CLINT1: variants seen among roughly 807,000 people sequenced by gnomAD.
CLINT1 encodes the protein clathrin interacting protein localized in the trans-Golgi region.
In CLINT1, 15 loss-of-function variants were observed where a neutral mutation model predicts 70.4. The ratio of observed to expected loss-of-function variants is 0.21; its 90% CI spans 0.14 to 0.33. The LOEUF (loss-of-function observed/expected upper bound fraction) is 0.33. Among genes scored for constraint, CLINT1 ranks in the 10% least tolerant of loss-of-function variants. The pLI, the probability that CLINT1 is intolerant of heterozygous loss-of-function variation, is 1.00. For synonymous variants in CLINT1, 227 were observed against 254.7 expected, an observed-to-expected ratio of 0.89 and a Z score of 1.04; for missense variants, 615 against 778.1, an observed-to-expected ratio of 0.79 and a Z score of 2.49.
At position 157,819,487 on chromosome 5, in the gene CLINT1, A is replaced by T. The variant is rs182770768; in HGVS notation, c.42-1940T>A. On this transcript the variant is annotated intron_variant, in intron 1 of 11. Coordinates refer to ENST00000411809, the MANE Select transcript of CLINT1 (RefSeq NM_014666.4). The stretch of plus-strand genomic sequence containing the variant: ...AATCCAGTAATGCTTCTATTGCAAC[A>T]GTTTTATGTATAAATGTAGAAGAAC... 6.4e-3 allele frequency among the ~76,000 whole-genome samples: 980 copies of T among 152,324 alleles called. 9 individuals carry two copies. The highest frequency in any genetic ancestry group is 0.022 in the African/African-American group (914 of 41,584).
At chr5:157,807,624 C>G (rs1561646202) in intron 6 of CLINT1, among the ~76,000 whole-genome samples, 1 of 152,100 alleles carries the variant, frequency 6.6e-6, no homozygotes, top group Non-Finnish European at 1.5e-5. Context: ...TGTGCCCTAT[C>G]ATTATCACGA....
chr5:157,816,887 G>T, intron 2 of CLINT1, 57 bp from the exon 3 acceptor site: 1 of 1,243,416 alleles, frequency 8.0e-7, no homozygotes, highest in South Asian at 1.4e-5. Context: ...ACAGTAGATG[G>T]CAGACTTGTT....
intron 1 of CLINT1, among the ~76,000 whole-genome samples, chr5:157,837,525 T>C (rs777228979): frequency 6.6e-6 from 1 of 152,168 alleles, no homozygotes; most frequent in African/African-American, 2.4e-5. Flanking sequence ...CTAAAAGAAA[T>C]GTCAATTATG....
At chr5:157,823,967 T>C (rs1184292711) in intron 1 of CLINT1, among the ~76,000 whole-genome samples, 1 of 152,148 alleles carries the variant, frequency 6.6e-6, no homozygotes, top group Non-Finnish European at 1.5e-5. Flanking sequence ...TAATGCCTGA[T>C]GGTCTGAGAT....
chr5:157,846,748 A>G (rs1340911233), intron 1 of CLINT1, among the ~76,000 whole-genome samples: 2 of 152,216 alleles, frequency 1.3e-5, no homozygotes, highest in Non-Finnish European at 2.9e-5. Flanking sequence ...ATCTCTTCTC[A>G]TGGGCTAACG....
intron 8 of CLINT1, chr5:157,795,477 T>G: frequency 6.5e-6 from 1 of 152,690 alleles, no homozygotes; most frequent in Non-Finnish European, 1.5e-5. Context: ...ATTAATACTG[T>G]TTTAATGTTA....
At chr5:157,791,075 T>C (rs554148241) in intron 10 of CLINT1, among the ~76,000 whole-genome samples, 1 of 152,300 alleles carries the variant, frequency 6.6e-6, no homozygotes, top group African/African-American at 2.4e-5. Context: ...TTCCTTTTTT[T>C]TGAGACGGAG....
intron 1 of CLINT1, among the ~76,000 whole-genome samples, chr5:157,830,648 G>A (rs2113262304): frequency 6.6e-6 from 1 of 151,798 alleles, no homozygotes; most frequent in East Asian, 1.9e-4. Context: ...GGCCAAGGTG[G>A]GGCGACTGCT....
In CLINT1 at chr5:157,786,988, G is replaced by T. The variant is rs1228625733; in HGVS notation, c.*658C>A. On this transcript the variant is annotated 3_prime_UTR_variant, in exon 12 of 12. Coordinates refer to ENST00000411809, the MANE Select transcript of CLINT1 (RefSeq NM_014666.4). ...CAGGATAATTACAGCAGAAGACATG[G>T]GAAAAGTCCCATGGCAATCACCAAT... The T allele has an allele frequency of 6.6e-6, 1 of 152,520 alleles. No individual in the cohort carries two copies. Among genetic ancestry groups the T allele is most frequent in the Non-Finnish European group, 1.5e-5 (1 of 68,038 alleles). The allele number at this position is 152,520 out of a possible 1,614,324, so 9.4% of individuals were successfully genotyped here. A position where few individuals can be genotyped will look rare whatever the true frequency, so the allele number is the denominator to read the frequency against.
chr5:157,791,626 T>C (rs891975342), intron 10 of CLINT1, 77 bp downstream of exon 10: 12 of 1,346,636 alleles, frequency 8.9e-6, no homozygotes, highest in African/African-American at 7.3e-5. Flanking sequence ...TTCTGTTTTA[T>C]ACTAATCTAT....
chr5:157,813,194 C>A lies in CLINT1; in HGVS notation c.386G>T (p.Arg129Leu). 2.5e-6 allele frequency: 4 copies of A among 1,613,334 alleles called. No individual in the cohort carries two copies. Among genetic ancestry groups the A allele is most frequent in the South Asian group, 1.1e-5 (1 of 91,072 alleles). Residue 129 changes from arginine to leucine, a missense_variant, in exon 5 of 12, where the codon CGA becomes CTA. Coordinates refer to ENST00000411809, the MANE Select transcript of CLINT1 (RefSeq NM_014666.4). The part of the protein sequence containing the change: ...EHGKDQGINI[R>L]QKVKELVEFA... ...TTCAACCAATTCCTTCACCTTCTGTCGAATATTTATACCTTGATCCTTACC... is the reference window on the plus strand; with the variant it reads ...TTCAACCAATTCCTTCACCTTCTGTAGAATATTTATACCTTGATCCTTACC...
chr5:157,789,433 G>T lies in CLINT1; in HGVS notation c.1461C>A (p.Asp487Glu). The T allele has an allele frequency of 6.2e-7, 1 of 1,613,992 alleles. No individual in the cohort carries two copies. The part of the protein sequence containing the change: ...WSDPSVNISL[D>E]NLLPGMQPSK... ...AAGGCTGCATACCAGGTAGTAAGTT[G>T]TCTAGGCTGATGTTTACACTGGGGT... is the stretch of plus-strand genomic sequence containing the variant. The change falls in exon 11 of 12, where the codon GAC (aspartate) becomes GAA (glutamate). Residue 487 changes from aspartate to glutamate, a missense_variant. Asp to Glu is a conservative substitution (Grantham distance 45). Transcript: ENST00000411809.
chr5:157,815,846 T>C (rs1448130361), intron 3 of CLINT1, among the ~76,000 whole-genome samples: 1 of 152,230 alleles, frequency 6.6e-6, no homozygotes, highest in African/African-American at 2.4e-5. Context: ...ATGCTGAGTA[T>C]TTTTGTATCT....
At chr5:157,788,519 A>G (rs1203621587) in intron 11 of CLINT1, among the ~76,000 whole-genome samples, 1 of 152,250 alleles carries the variant, frequency 6.6e-6, no homozygotes, top group Admixed American at 6.5e-5. Flanking sequence ...AACAATTGAA[A>G]TAATTAGCAA....
intron 10 of CLINT1, 74 bp downstream of exon 10, chr5:157,791,629 T>C: frequency 1.5e-6 from 2 of 1,361,454 alleles, no homozygotes; most frequent in Non-Finnish European, 2.0e-6. Flanking sequence ...TGTTTTATAC[T>C]AATCTATCAT....
chr5:157,858,542 C>T (rs76011718), intron 1 of CLINT1, among the ~76,000 whole-genome samples: 22,866 of 152,190 alleles, frequency 0.15, 1,948 homozygotes, highest in South Asian at 0.24. Context: ...CCCCCACCCC[C>T]AAACCTTCCC....
In CLINT1 at chr5:157,850,612, C is replaced by CAA. The variant is rs67243040; in HGVS notation, c.41+8316_41+8317dup. 1.1e-3 allele frequency among the ~76,000 whole-genome samples: 68 copies of CAA among 60,334 alleles called. 1 individual carries two copies. The highest frequency in any genetic ancestry group is 2.6e-3 in the African/African-American group (37 of 14,394). The allele number at this position is 60,334 out of a possible 152,430, so 39.6% of individuals were successfully genotyped here. A position where few individuals can be genotyped will look rare whatever the true frequency, so the allele number is the denominator to read the frequency against. ...CCTGGGTACAAGTGAGACCCTGTCT[C>CAA]AAAAAAAAAAAAAAAAAAAAAAAAA... On this transcript the variant is annotated intron_variant, in intron 1 of 11. Coordinates refer to ENST00000411809, the MANE Select transcript of CLINT1 (RefSeq NM_014666.4).
In CLINT1 at chr5:157,855,164, G is replaced by GC. The variant is rs71702562; in HGVS notation, c.41+3765_41+3766insG. On this transcript the variant is annotated intron_variant, in intron 1 of 11. Coordinates refer to ENST00000411809, the MANE Select transcript of CLINT1 (RefSeq NM_014666.4). The stretch of plus-strand genomic sequence containing the variant: ...TCCGAAAAAAAAAAAAGGCGGGGGG[G>GC]GGGGCGGGTCACTGATGAAAGAGAT... 7.7e-5 allele frequency among the ~76,000 whole-genome samples: 7 copies of GC among 91,180 alleles called. 1 individual carries two copies. Among genetic ancestry groups the GC allele is most frequent in the Non-Finnish European group, 2.0e-5 (1 of 49,942 alleles). 59.8% of individuals were successfully genotyped at this position (91,180 alleles called of 152,430 possible). A position where few individuals can be genotyped will look rare whatever the true frequency, so the allele number is the denominator to read the frequency against.
intron 7 of CLINT1, among the ~76,000 whole-genome samples, chr5:157,804,929 CAAAAAA>C (rs1328212990): frequency 9.9e-6 from 1 of 101,386 alleles, no homozygotes; most frequent in Non-Finnish European, 2.2e-5. Flanking sequence ...CTCGGTCTTC[CAAAAAA>C]AGAAAAAGAA....
Sources: allele counts gnomAD v4.1 joint callset (sites outside exome capture counted in the v4.1 genomes callset), GRCh38; gene constraint gnomAD v4.1.1; transcripts MANE v1.5; gene names NCBI Gene and HGNC (gene_info 2026-07-23, HGNC 2026-07-21).